The following FBN2 variants were observed in gnomAD, a reference collection of about 807,000 sequenced individuals.
FBN2 encodes fibrillin-2.
In FBN2, 105 loss-of-function variants were observed where a neutral mutation model predicts 355.6. The observed-to-expected ratio is 0.30, with a 90% CI of 0.25 to 0.35. The LOEUF is 0.35. Ranked by LOEUF, FBN2 falls within the 10% of genes least tolerant of loss-of-function variation. FBN2 has a pLI of 1.00. For missense variants in FBN2, 3,280 were observed against 3,758.7 expected, an observed-to-expected ratio of 0.87 and a Z score of 3.33; for synonymous variants, 1,350 against 1,301.2, an observed-to-expected ratio of 1.04 and a Z score of -0.81.
At chr5:128,442,356 T>C (rs893776286) in intron 7 of FBN2, 2 of 456,574 alleles carry the variant, frequency 4.4e-6, no homozygotes, top group Admixed American at 2.3e-5. Context: ...CTCCTGCTTG[T>C]GCTTTATCCA....
At chr5:128,288,582 C>T in intron 52 of FBN2, 25 bp from the exon 53 acceptor site, 3 of 1,611,380 alleles carry the variant, frequency 1.9e-6, no homozygotes, top group Non-Finnish European at 1.7e-6. Context: ...TAAGAAACTG[C>T]CACAAAGATG....
chr5:128,356,395 T>C (rs1384548975), intron 20 of FBN2, among the ~76,000 whole-genome samples: 1 of 152,252 alleles, frequency 6.6e-6, no homozygotes, highest in East Asian at 1.9e-4. Flanking sequence ...GAAAAAGCTA[T>C]TGTCTTCGAC....
rs1755751636 is a variant in FBN2 at position 128,499,613 on chromosome 5, T to A, written c.628+19660A>T. ...AATCTCCAAGGAACAGATGTGGGAATCAATACTGTTGACAAAAATACTCTG... is the reference window on the plus strand; with the variant it reads ...AATCTCCAAGGAACAGATGTGGGAAACAATACTGTTGACAAAAATACTCTG... On this transcript the variant is annotated intron_variant, in intron 5 of 64. Transcript: ENST00000262464. 2.0e-5 allele frequency among the ~76,000 whole-genome samples: 3 copies of A among 152,152 alleles called. No individual in the cohort carries two copies. In the South Asian group the frequency reaches 6.2e-4, roughly 32 times the overall value.
At chr5:128,331,138 A>T (rs1750679849) in intron 32 of FBN2, among the ~76,000 whole-genome samples, 1 of 152,218 alleles carries the variant, frequency 6.6e-6, no homozygotes, top group African/African-American at 2.4e-5. Context: ...CCCTTAGTTG[A>T]GCAGAAAAGA....
At chr5:128,291,714 T>C (rs1257985535) in intron 48 of FBN2, 60 bp from the exon 49 acceptor site, 5 of 1,464,326 alleles carry the variant, frequency 3.4e-6, no homozygotes, top group East Asian at 2.3e-5. Context: ...CAATTGTCCA[T>C]ACTATCACTG....
intron 30 of FBN2, 152 bp downstream of exon 30, chr5:128,335,018 G>A (rs1750797921): frequency 7.9e-7 from 1 of 1,266,488 alleles, no homozygotes; most frequent in Non-Finnish European, 1.1e-6. Flanking sequence ...ATTTTTAAAA[G>A]TAATTCTTCC....
chr5:128,294,179 A>C (rs1749426632), intron 48 of FBN2, among the ~76,000 whole-genome samples: 1 of 152,142 alleles, frequency 6.6e-6, no homozygotes, highest in African/African-American at 2.4e-5. Flanking sequence ...ATCATTTTTT[A>C]TGGCTGCAGA....
chr5:128,500,460 TCAGACAGG>T (rs1755780107), intron 5 of FBN2, among the ~76,000 whole-genome samples: 1 of 112,100 alleles, frequency 8.9e-6, no homozygotes, highest in Non-Finnish European at 1.7e-5. Context: ...TTTTTTTTTT[TCAGACAGG>T]GTCTCGCTCT....
chr5:128,454,155 A>G (rs903695049), intron 6 of FBN2, among the ~76,000 whole-genome samples: 2 of 152,196 alleles, frequency 1.3e-5, no homozygotes, highest in East Asian at 3.8e-4. Flanking sequence ...CACTCAGAGT[A>G]AATGCTTAGA....
At position 128,265,616 on chromosome 5, in the gene FBN2, T is replaced by A. The variant is rs1369825708; in HGVS notation, c.7961-1960A>T. ...TATGAAGACATAATTTTTCTTCATA[T>A]GCAAATGTTAGTATTTACATATTTC... is the stretch of plus-strand genomic sequence containing the variant. On this transcript the variant is annotated intron_variant, in intron 62 of 64. Coordinates refer to ENST00000262464, the MANE Select transcript of FBN2 (RefSeq NM_001999.4). 3.3e-5 allele frequency among the ~76,000 whole-genome samples: 5 copies of A among 152,226 alleles called. No homozygotes were observed. The East Asian group carries it at 5.8e-4, about 18-fold the overall frequency.
chr5:128,444,333 A>G (rs1470180232), intron 7 of FBN2, among the ~76,000 whole-genome samples: 2 of 152,012 alleles, frequency 1.3e-5, no homozygotes, highest in Non-Finnish European at 2.9e-5. Context: ...CGGCCTCCCA[A>G]AGTGCTGGGA....
chr5:128,335,019 T>C, intron 30 of FBN2, 151 bp downstream of exon 30: 1 of 1,269,594 alleles, frequency 7.9e-7, no homozygotes, highest in Non-Finnish European at 1.1e-6. Flanking sequence ...TTTTTAAAAG[T>C]AATTCTTCCT....
chr5:128,296,240 A>G (rs1009609498), intron 48 of FBN2, among the ~76,000 whole-genome samples: 1 of 150,984 alleles, frequency 6.6e-6, no homozygotes, highest in Non-Finnish European at 1.5e-5. Context: ...TTGGTTTGCC[A>G]GTATTTTATT....
intron 8 of FBN2, among the ~76,000 whole-genome samples, chr5:128,397,123 C>A (rs570145200): frequency 1.3e-5 from 2 of 152,252 alleles, no homozygotes; most frequent in South Asian, 4.1e-4. Context: ...GATGTATGCA[C>A]ACATAATTAA....
Position 128,345,487 on chromosome 5 carries a change from G to T in FBN2, c.3087C>A (p.Val1029=). 2 of 1,614,120 alleles carry T rather than the reference G, an allele frequency of 1.2e-6. No homozygotes were observed. The highest frequency in any genetic ancestry group is 2.2e-5 in the South Asian group (2 of 91,068). ...KFRMDACCCA[V]GAAWGTECEE... ...CACACTCGGTGCCCCAAGCCGCCCCGACAGCACAGCAGCAGGCATCCATGC... is the reference window on the plus strand; with the variant it reads ...CACACTCGGTGCCCCAAGCCGCCCCTACAGCACAGCAGCAGGCATCCATGC... The change falls in exon 24 of 65, where the codon GTC becomes GTA. Residue 1029 remains valine, a synonymous_variant. Coordinates refer to ENST00000262464, the MANE Select transcript of FBN2 (RefSeq NM_001999.4).
At chr5:128,430,270 A>C (rs769162466) in intron 7 of FBN2, among the ~76,000 whole-genome samples, 14 of 151,806 alleles carry the variant, frequency 9.2e-5, no homozygotes, top group Non-Finnish European at 1.8e-4. Flanking sequence ...ATGTAGTTGA[A>C]TATGTCATTT....
chr5:128,381,552 T>C (rs1752236251), intron 11 of FBN2, among the ~76,000 whole-genome samples: 1 of 152,140 alleles, frequency 6.6e-6, no homozygotes, highest in African/African-American at 2.4e-5. Context: ...AAATTCAATT[T>C]GTTGTTTATA....
chr5:128,499,750 T>C (rs1307562483), intron 5 of FBN2, among the ~76,000 whole-genome samples: 1 of 152,220 alleles, frequency 6.6e-6, no homozygotes, highest in Non-Finnish European at 1.5e-5. Flanking sequence ...AGTAATCTGT[T>C]AAATTCTAAC....
At chr5:128,464,652 A>G in intron 6 of FBN2, 72 bp downstream of exon 6, 1 of 1,517,018 alleles carries the variant, frequency 6.6e-7, no homozygotes, top group Non-Finnish European at 9.1e-7. Flanking sequence ...ATCCAGTGCC[A>G]GATTCTCCAA....
Sources: allele counts gnomAD v4.1 joint callset (sites outside exome capture counted in the v4.1 genomes callset), GRCh38; gene constraint gnomAD v4.1.1; transcripts MANE v1.5; gene names NCBI Gene and HGNC (gene_info 2026-07-23, HGNC 2026-07-21).